Variants in ARHGEF3 observed in about 807,000 individuals in gnomAD.
The protein encoded by ARHGEF3 is 59.8 kDA protein.
In ARHGEF3, 28 loss-of-function variants were observed where a neutral mutation model predicts 63.2. The observed-to-expected ratio is 0.44, with a 90% CI of 0.33 to 0.61. ARHGEF3 has a LOEUF of 0.61. Ranked by LOEUF, ARHGEF3 falls within the 20% of genes least tolerant of loss-of-function variation. The probability of loss-of-function intolerance (pLI) is 0.03; values close to 1 mark genes in which losing one functional copy is unlikely to be tolerated. For missense variants in ARHGEF3, 533 were observed against 659.3 expected (o/e 0.81, Z 2.10); for synonymous variants, 266 against 254.2 (o/e 1.05, Z -0.44).
At chr3:56,921,706 A>G (rs2042147465) in intron 3 of ARHGEF3, among the ~76,000 whole-genome samples, 1 of 152,232 alleles carries the variant, frequency 6.6e-6, no homozygotes, top group South Asian at 2.1e-4. Context: ...GGTTCAACTC[A>G]AGAGACTGTG....
intron 3 of ARHGEF3, among the ~76,000 whole-genome samples, chr3:56,936,665 T>C (rs1363965439): frequency 2.0e-5 from 3 of 152,164 alleles, no homozygotes; most frequent in Non-Finnish European, 4.4e-5. Context: ...AAGAACAAGT[T>C]AAATGACATC....
At chr3:56,964,077 T>C (rs1700388897) in intron 2 of ARHGEF3, among the ~76,000 whole-genome samples, 4 of 152,064 alleles carry the variant, frequency 2.6e-5, no homozygotes, top group African/African-American at 9.7e-5. Context: ...AGAGGCTGCA[T>C]GCGGTGGCTC....
At chr3:56,780,643 G>T (rs1011427446) in intron 1 of ARHGEF3, among the ~76,000 whole-genome samples, 5 of 151,054 alleles carry the variant, frequency 3.3e-5, no homozygotes, top group African/African-American at 1.2e-4. Flanking sequence ...TGTCTTTCAT[G>T]ATCTTATAGC....
chr3:56,825,676 T>A lies in ARHGEF3; in HGVS notation c.193-51860A>T, dbSNP rs545770932. 1.4e-4 allele frequency among the ~76,000 whole-genome samples: 22 copies of A among 152,224 alleles called. No individual in the cohort carries two copies. In the South Asian group the frequency reaches 3.7e-3, roughly 26 times the overall value. On this transcript the variant is annotated intron_variant, in intron 4 of 12. Coordinates refer to the ARHGEF3 transcript ENST00000338458. The stretch of plus-strand genomic sequence containing the variant: ...CTTCATTTTTATAGGCTTAACAGAG[T>A]CCATCTACTCTATTCAAGACTTTCA...
At chr3:57,014,144 G>A (rs1702849528) in intron 2 of ARHGEF3, among the ~76,000 whole-genome samples, 1 of 151,956 alleles carries the variant, frequency 6.6e-6, no homozygotes, top group Non-Finnish European at 1.5e-5. Flanking sequence ...ACACTCAGCG[G>A]GAAGGTTTGC....
intron 1 of ARHGEF3, among the ~76,000 whole-genome samples, chr3:57,046,371 G>T (rs1252969966): frequency 2.0e-5 from 3 of 152,158 alleles, no homozygotes; most frequent in Admixed American, 1.3e-4. Flanking sequence ...ATATCTCATA[G>T]GTTCTGGCAC....
intron 2 of ARHGEF3, among the ~76,000 whole-genome samples, chr3:57,015,416 C>A (rs1189092679): frequency 6.6e-6 from 1 of 152,092 alleles, no homozygotes; most frequent in Non-Finnish European, 1.5e-5. Context: ...TGTGCTCTTA[C>A]AATTTTGTAA....
intron 3 of ARHGEF3, among the ~76,000 whole-genome samples, chr3:56,883,774 A>G (rs2040841523): frequency 6.6e-6 from 1 of 152,126 alleles, no homozygotes; most frequent in African/African-American, 2.4e-5. Flanking sequence ...CTACCAGAAG[A>G]CCAGAATCAC....
At chr3:56,951,149 T>C (rs895361902) in intron 3 of ARHGEF3, among the ~76,000 whole-genome samples, 1 of 151,638 alleles carries the variant, frequency 6.6e-6, no homozygotes, top group Admixed American at 6.6e-5. Context: ...GGAGGGGGGA[T>C]GGATAGCATT....
chr3:56,854,373 C>G (rs1203089960), intron 4 of ARHGEF3, among the ~76,000 whole-genome samples: 1 of 152,108 alleles, frequency 6.6e-6, no homozygotes, highest in Non-Finnish European at 1.5e-5. Flanking sequence ...CATGCAGGGG[C>G]TGGGTCTCAA....
chr3:56,910,446 G>A (rs2041825500), intron 3 of ARHGEF3, among the ~76,000 whole-genome samples: 1 of 152,170 alleles, frequency 6.6e-6, no homozygotes, highest in South Asian at 2.1e-4. Context: ...CACTGGTTCT[G>A]CAGTCCCCAA....
At chr3:56,825,824 G>A (rs1303954383) in intron 4 of ARHGEF3, among the ~76,000 whole-genome samples, 1 of 152,080 alleles carries the variant, frequency 6.6e-6, no homozygotes, top group Non-Finnish European at 1.5e-5. Flanking sequence ...TTCTGATCAT[G>A]GCTCTACAAC....
At chr3:56,756,695 G>C (rs1448052587) in intron 2 of ARHGEF3, among the ~76,000 whole-genome samples, 3 of 151,832 alleles carry the variant, frequency 2.0e-5, no homozygotes, top group African/African-American at 7.3e-5. Context: ...GCCTACAGGC[G>C]CCCGCCACCA....
chr3:56,862,444 T>C (rs935793273), intron 4 of ARHGEF3, among the ~76,000 whole-genome samples: 14 of 152,202 alleles, frequency 9.2e-5, no homozygotes, highest in Non-Finnish European at 2.1e-4. Flanking sequence ...CTGGGCGACA[T>C]GGCACAAAGA....
In ARHGEF3 at chr3:56,856,706, TTG is replaced by T. The variant is rs869061486; in HGVS notation, c.192+25584_192+25585del. Among the ~76,000 whole-genome samples the T allele has an allele frequency of 7.5e-4, 82 of 109,038 alleles. 5 individuals are homozygous for T. The highest frequency in any genetic ancestry group is 1.9e-3 in the East Asian group (8 of 4,162). 71.5% of individuals were successfully genotyped at this position (109,038 alleles called of 152,430 possible). The stretch of plus-strand genomic sequence containing the variant: ...ATTCTTTTCCATCTTGAGAGGTTTT[TTG>T]TTTTTTTTTTTTAACTTCATAGCAT... On this transcript the variant is annotated intron_variant, in intron 4 of 12. Transcript: ENST00000338458.
At chr3:56,856,893 C>A (rs549285408) in intron 4 of ARHGEF3, among the ~76,000 whole-genome samples, 30 of 152,148 alleles carry the variant, frequency 2.0e-4, no homozygotes, top group African/African-American at 6.7e-4. Context: ...AATGTTATTT[C>A]TTTGAAAATT....
At chr3:56,819,835 T>C (rs2038408002) in intron 4 of ARHGEF3, among the ~76,000 whole-genome samples, 1 of 151,236 alleles carries the variant, frequency 6.6e-6, no homozygotes, top group Non-Finnish European at 1.5e-5. Context: ...TTTTTTTTTT[T>C]TTCTCATTTT....
chr3:57,067,270 T>C (rs1705594417), intron 1 of ARHGEF3, among the ~76,000 whole-genome samples: 1 of 151,240 alleles, frequency 6.6e-6, no homozygotes, highest in African/African-American at 2.4e-5. Flanking sequence ...GCTAACACGG[T>C]GAAACCCTGT....
chr3:56,877,260 T>G (rs2040616911), intron 4 of ARHGEF3, among the ~76,000 whole-genome samples: 1 of 152,206 alleles, frequency 6.6e-6, no homozygotes, highest in Non-Finnish European at 1.5e-5. Flanking sequence ...TGAACACATT[T>G]GATAAAGTAC....
Sources: gnomAD v4.1 joint callset for allele counts (sites outside exome capture counted in the v4.1 genomes callset) on GRCh38, gnomAD v4.1.1 for gene constraint, MANE v1.5 for transcripts, NCBI Gene and HGNC (gene_info 2026-07-23, HGNC 2026-07-21) for gene names.